The following SMDT1 variants were observed in gnomAD, a reference collection of about 807,000 sequenced individuals.
SMDT1 encodes the protein single-pass membrane protein with aspartate rich tail 1.
SMDT1 carries 6 observed loss-of-function variants against 5.9 expected under a neutral mutation model. The observed-to-expected ratio is 1.03, with a 90% CI of 0.56 to 2.02. SMDT1 has a LOEUF of 2.02. Ranked by LOEUF, SMDT1 falls within the 30% of genes most tolerant of loss-of-function variation. The pLI, the probability that SMDT1 is intolerant of heterozygous loss-of-function variation, is 0.00. For missense variants in SMDT1, 159 were observed against 145.6 expected (o/e 1.09, Z -0.47); for synonymous variants, 81 against 62.4 (o/e 1.30, Z -1.40).
At chr22:42,081,463 C>A (rs1174778409) in intron 1 of SMDT1, among the ~76,000 whole-genome samples, 1 of 151,186 alleles carries the variant, frequency 6.6e-6, no homozygotes, top group Non-Finnish European at 1.5e-5. Flanking sequence ...CTGCGCCCGG[C>A]CTTTTGTCTT....
intron 1 of SMDT1, among the ~76,000 whole-genome samples, chr22:42,081,481 GACAGA>G (rs1927782032): frequency 6.9e-6 from 1 of 145,158 alleles, no homozygotes; most frequent in Non-Finnish European, 1.5e-5. Context: ...CTTTTTTTTA[GACAGA>G]GCCTCACTCT....
rs375866893 is a variant in SMDT1, at chr22:42,082,223, C to T, written c.*3+158C>T. On this transcript the variant is annotated intron_variant, in intron 2 of 2. Coordinates refer to ENST00000331479, the MANE Select transcript of SMDT1 (RefSeq NM_033318.5). ...GTTTTCGTTTGTTTGTTTTTTGAGA[C>T]GGAGTTTCGCTCTTGTTGCCCAGGC... 1.3e-4 allele frequency: 119 copies of T among 901,760 alleles called. No homozygotes were observed. The South Asian group carries it at 1.5e-3, about 11-fold the overall frequency. The allele number at this position is 901,760 out of a possible 1,614,324, so 55.9% of individuals were successfully genotyped here. A position where few individuals can be genotyped will look rare whatever the true frequency, so the allele number is the denominator to read the frequency against.
In SMDT1 at chr22:42,079,710, G is replaced by T; in HGVS notation, c.-59G>T. 1 of 1,533,580 alleles carries T rather than the reference G, an allele frequency of 6.5e-7. No individual in the cohort carries two copies. Among genetic ancestry groups the T allele is most frequent in the Non-Finnish European group, 8.7e-7 (1 of 1,145,586 alleles). 95.0% of individuals were successfully genotyped at this position (1,533,580 alleles called of 1,614,324 possible). A position where few individuals can be genotyped will look rare whatever the true frequency, so the allele number is the denominator to read the frequency against. ...GCTTCGGGCGGCTTTCTTCCCGAGG[G>T]CGGCACGAGGGCTGGGCGGTGGGGT... On this transcript the variant is annotated 5_prime_UTR_variant, in exon 1 of 3. Transcript: ENST00000331479.
At chr22:42,082,367 A>G (rs183856451) in intron 2 of SMDT1, 87 of 305,244 alleles carry the variant, frequency 2.9e-4, no homozygotes, top group Non-Finnish European at 4.9e-4. Flanking sequence ...GTGCCTGGCT[A>G]ATTTTGTATT....
rs143702734 is a variant in SMDT1, at chr22:42,081,978, C to T, written c.240C>T (p.Val80=). The change falls in exon 2 of 3, where the codon GTC becomes GTT. Residue 80 remains valine, a synonymous_variant. Transcript: ENST00000331479. ...CCATTGTGATCCCCTTTCTCTATGT[C>T]GGGACACTCATTAGCAAGAACTTTG... ...VFSIVIPFLY[V]GTLISKNFAA... is the part of the protein sequence containing the mutation. The T allele has an allele frequency of 1.2e-4, 200 of 1,614,014 alleles. No homozygotes were observed. In the African/African-American group the frequency reaches 2.2e-3, roughly 18 times the overall value.
At position 42,081,936 on chromosome 22, in the gene SMDT1, C is replaced by T. The variant is rs767362960; in HGVS notation, c.198C>T (p.Gly66=). The T allele has an allele frequency of 3.7e-6, 6 of 1,614,076 alleles. No individual in the cohort carries two copies. The South Asian group carries it at 6.6e-5, about 18-fold the overall frequency. Residue 66 remains glycine, a synonymous_variant, in exon 2 of 3, where the codon GGC becomes GGT. Coordinates refer to ENST00000331479, the MANE Select transcript of SMDT1 (RefSeq NM_033318.5). ...CTGACCCTCTGCAGATGTCCTTCGG[C>T]CTTCTCCGTGTGTTCTCCATTGTGA... The part of the protein sequence containing the change: ...ILPKPVKMSF[G]LLRVFSIVIP...
intron 1 of SMDT1, among the ~76,000 whole-genome samples, chr22:42,081,562 G>A (rs1028150137): frequency 1.3e-5 from 2 of 151,958 alleles, no homozygotes; most frequent in Admixed American, 1.3e-4. Context: ...CTGGATTCAA[G>A]CAATTATCCT....
intron 1 of SMDT1, among the ~76,000 whole-genome samples, 163 bp from the exon 2 acceptor site, chr22:42,081,762 T>G (rs866913335): frequency 6.6e-6 from 1 of 152,194 alleles, no homozygotes; most frequent in Middle Eastern, 3.4e-3. Flanking sequence ...CTGCCTGGCC[T>G]TCTCCTTTTC....
At position 42,084,069 on chromosome 22, in the gene SMDT1, G is replaced by GT. The variant is rs942998474; in HGVS notation, c.*955dup. ...TCTTTTGTCCAATCCCATTTCTCCA[G>GT]TGTTGTCCATGCTTCAATCATCCCT... On this transcript the variant is annotated 3_prime_UTR_variant, in exon 3 of 3. Transcript: ENST00000331479. 1.1e-4 allele frequency: 16 copies of GT among 152,156 alleles called. No individual in the cohort carries two copies. Among genetic ancestry groups the GT allele is most frequent in the African/African-American group, 3.6e-4 (15 of 41,386 alleles). The allele number at this position is 152,156 out of a possible 1,614,324, so 9.4% of individuals were successfully genotyped here. A position where few individuals can be genotyped will look rare whatever the true frequency, so the allele number is the denominator to read the frequency against.
intron 1 of SMDT1, among the ~76,000 whole-genome samples, chr22:42,081,408 G>A (rs575514242): frequency 1.0e-3 from 155 of 151,688 alleles, no homozygotes; most frequent in Non-Finnish European, 1.7e-3. Flanking sequence ...CTCGTGATCC[G>A]CCCGCCTCAG....
At chr22:42,080,145 T>C (rs1927665367) in intron 1 of SMDT1, among the ~76,000 whole-genome samples, 191 bp downstream of exon 1, 1 of 152,072 alleles carries the variant, frequency 6.6e-6, no homozygotes, top group Non-Finnish European at 1.5e-5. Context: ...AGACAGAAGA[T>C]GGGGGGCAAA....
rs144074973 is a variant in SMDT1 at position 42,084,125 on chromosome 22, A to T, written c.*1010A>T. The T allele has an allele frequency of 6.6e-6, 1 of 152,356 alleles. No homozygotes were observed. The allele number at this position is 152,356 out of a possible 1,614,324, so 9.4% of individuals were successfully genotyped here. A position where few individuals can be genotyped will look rare whatever the true frequency, so the allele number is the denominator to read the frequency against. ...ATGAGGTCTCCATAAAAGGCCCAAG[A>T]AGACAGGTTTAGAGAGCTTTCGGAG... On this transcript the variant is annotated 3_prime_UTR_variant, in exon 3 of 3. Coordinates refer to ENST00000331479, the MANE Select transcript of SMDT1 (RefSeq NM_033318.5).
At chr22:42,081,841 GT>G (rs1019529578) in intron 1 of SMDT1, 83 bp from the exon 2 acceptor site, 3 of 1,526,602 alleles carry the variant, frequency 2.0e-6, no homozygotes, top group Non-Finnish European at 2.7e-6. Context: ...GGGTCTGAGG[GT>G]ATGTCTGTGA....
At chr22:42,082,508 T>C (rs529362606) in intron 2 of SMDT1, among the ~76,000 whole-genome samples, 2 of 152,316 alleles carry the variant, frequency 1.3e-5, no homozygotes, top group East Asian at 3.9e-4. Context: ...GCCAACTTCA[T>C]GTGCTCTAAT....
chr22:42,082,125 C>G, intron 2 of SMDT1, 60 bp downstream of exon 2: 1 of 1,590,644 alleles, frequency 6.3e-7, no homozygotes, highest in Non-Finnish European at 8.5e-7. Flanking sequence ...GTCTGTGATG[C>G]AGTCTGGCCT....
In SMDT1 at chr22:42,083,340, CATA is replaced by C. The variant is rs1927926967; in HGVS notation, c.*230_*232del. ...AACAAGCAATCAAATTATGAATAAA[CATA>C]ATAAATATCAGCCGTGCGTGACTGA... On this transcript the variant is annotated 3_prime_UTR_variant, in exon 3 of 3. Transcript: ENST00000331479. 6.6e-6 allele frequency: 1 copy of C among 152,548 alleles called. No homozygotes were observed. The highest frequency in any genetic ancestry group is 2.4e-5 in the African/African-American group (1 of 41,442). The allele number at this position is 152,548 out of a possible 1,614,324, so 9.4% of individuals were successfully genotyped here. A position where few individuals can be genotyped will look rare whatever the true frequency, so the allele number is the denominator to read the frequency against.
rs150264901 is a variant in SMDT1 at position 42,082,041 on chromosome 22, G to C, written c.303G>C (p.Glu101Asp). The C allele has an allele frequency of 6.2e-7, 1 of 1,612,120 alleles. No individual in the cohort carries two copies. Among genetic ancestry groups the C allele is most frequent in the East Asian group, 2.2e-5 (1 of 44,822 alleles). ...AGGAACATGACATTTTTGTTCCAGAGGATGATGATGATGATGACTAACAGG... is the reference window on the plus strand; with the variant it reads ...AGGAACATGACATTTTTGTTCCAGACGATGATGATGATGATGACTAACAGG... ...LLEEHDIFVP[E>D]DDDDDD The change falls in exon 2 of 3, where the codon GAG (glutamate) becomes GAC (aspartate). Residue 101 changes from glutamate to aspartate, a missense_variant. Physicochemically the swap from Glu to Asp is conservative, Grantham distance 45. Coordinates refer to ENST00000331479, the MANE Select transcript of SMDT1 (RefSeq NM_033318.5).
chr22:42,081,786 T>G (rs1927800352), intron 1 of SMDT1, 139 bp from the exon 2 acceptor site: 7 of 975,016 alleles, frequency 7.2e-6, no homozygotes, highest in Non-Finnish European at 1.0e-5. Context: ...TTACTTTTCT[T>G]GCCCTGAATT....
At position 42,079,972 on chromosome 22, in the gene SMDT1, G is replaced by A. The variant is rs1927644419; in HGVS notation, c.186+18G>A. 6.9e-6 allele frequency: 11 copies of A among 1,604,014 alleles called. No homozygotes were observed. The highest frequency in any genetic ancestry group is 8.5e-6 in the Non-Finnish European group (10 of 1,174,110). On this transcript the variant is annotated intron_variant, in intron 1 of 2. Coordinates refer to ENST00000331479, the MANE Select transcript of SMDT1 (RefSeq NM_033318.5). ...CGGTGAAAGTGAGTGTCCTCCTGGAGACGGGGCGAAGGGGCTGAGGCCAAT... is the reference window on the plus strand; with the variant it reads ...CGGTGAAAGTGAGTGTCCTCCTGGAAACGGGGCGAAGGGGCTGAGGCCAAT...
Sources: gnomAD v4.1 joint callset for allele counts (sites outside exome capture counted in the v4.1 genomes callset) on GRCh38, gnomAD v4.1.1 for gene constraint, MANE v1.5 for transcripts, NCBI Gene and HGNC (gene_info 2026-07-23, HGNC 2026-07-21) for gene names.